RSU1: variants seen among roughly 807,000 people sequenced by gnomAD.
RSU1 encodes the protein Ras suppressor protein 1.
Under a neutral mutation model 31.1 loss-of-function variants are expected in RSU1, and 26 were observed. The observed-to-expected ratio is 0.84, with a 90% confidence interval of 0.61 to 1.16. The LOEUF is 1.16. RSU1 is among the 50% of genes most tolerant of loss of function. The probability of loss-of-function intolerance (pLI) is 0.00; values close to 1 mark genes in which losing one functional copy is unlikely to be tolerated. For synonymous variants in RSU1, 164 were observed against 136.3 expected (o/e 1.20, Z -1.41); for missense variants, 320 against 339.1 (o/e 0.94, Z 0.44).
At position 16,593,445 on chromosome 10, in the gene RSU1, A is replaced by G. The variant is rs756033171; in HGVS notation, c.783T>C (p.Asn261=). Residue 261 remains asparagine, a synonymous_variant, in exon 9 of 9, where the codon AAT becomes AAC. Coordinates refer to ENST00000345264, the MANE Select transcript of RSU1 (RefSeq NM_012425.4). ...TCCGGCTGATCTTTTTCGATTTGTC[A>G]TTATTCTTCTTCGGTGGTTCTGGGT... ...QANPEPPKKN[N]DKSKKISRKP... The G allele has an allele frequency of 3.1e-6, 5 of 1,613,936 alleles. No individual in the cohort carries two copies. Among genetic ancestry groups the G allele is most frequent in the Non-Finnish European group, 4.2e-6 (5 of 1,179,966 alleles).
At chr10:16,699,834 T>G (rs1835751801) in intron 7 of RSU1, among the ~76,000 whole-genome samples, 2 of 152,244 alleles carry the variant, frequency 1.3e-5, no homozygotes. Flanking sequence ...GATGCTGCTA[T>G]GAAGATCGTA....
intron 8 of RSU1, among the ~76,000 whole-genome samples, chr10:16,686,500 T>G (rs181929623): frequency 6.6e-6 from 1 of 152,212 alleles, no homozygotes; most frequent in Non-Finnish European, 1.5e-5. Flanking sequence ...TTGAAGAGAA[T>G]GTAACCTGAC....
chr10:16,643,791 A>T (rs1205451092), intron 8 of RSU1, among the ~76,000 whole-genome samples: 1 of 139,884 alleles, frequency 7.1e-6, no homozygotes, highest in Non-Finnish European at 1.5e-5. Flanking sequence ...GAATGCAAGT[A>T]TATTCAGCCC....
At chr10:16,796,047 CT>C (rs1281965097) in intron 2 of RSU1, among the ~76,000 whole-genome samples, 3 of 152,192 alleles carry the variant, frequency 2.0e-5, no homozygotes, top group African/African-American at 7.2e-5. Context: ...CCTAAACCTG[CT>C]GTCTGTACAA....
intron 8 of RSU1, among the ~76,000 whole-genome samples, chr10:16,649,282 G>A (rs1292119738): frequency 1.3e-5 from 2 of 152,146 alleles, no homozygotes; most frequent in Non-Finnish European, 2.9e-5. Flanking sequence ...AATTAAATCA[G>A]TCTCCTTCTC....
intron 7 of RSU1, among the ~76,000 whole-genome samples, chr10:16,720,724 G>A (rs1235808973): frequency 1.3e-5 from 2 of 152,214 alleles, no homozygotes; most frequent in Non-Finnish European, 2.9e-5. Context: ...CCCCCATCCA[G>A]CTATCACATG....
At chr10:16,688,005 G>A (rs1835470176) in intron 8 of RSU1, among the ~76,000 whole-genome samples, 2 of 152,244 alleles carry the variant, frequency 1.3e-5, no homozygotes, top group African/African-American at 4.8e-5. Flanking sequence ...TTACAGGCAT[G>A]AGCCACTGCA....
intron 8 of RSU1, among the ~76,000 whole-genome samples, chr10:16,650,956 A>G (rs1232220670): frequency 6.6e-6 from 1 of 152,150 alleles, no homozygotes; most frequent in East Asian, 1.9e-4. Context: ...CATGTTTTTA[A>G]TATTTATAAC....
chr10:16,715,935 C>T (rs879212283), intron 7 of RSU1, among the ~76,000 whole-genome samples: 1 of 152,132 alleles, frequency 6.6e-6, no homozygotes, highest in Non-Finnish European at 1.5e-5. Flanking sequence ...GTATTTTTAG[C>T]AGGTTGCATT....
At chr10:16,801,089 C>CT (rs375892886) in intron 2 of RSU1, among the ~76,000 whole-genome samples, 418 of 137,832 alleles carry the variant, frequency 3.0e-3, no homozygotes, top group Admixed American at 4.9e-3. Context: ...CAGTGTGGAT[C>CT]TTTTTTTTAA....
At chr10:16,659,989 T>C (rs1398499488) in intron 8 of RSU1, among the ~76,000 whole-genome samples, 1 of 152,194 alleles carries the variant, frequency 6.6e-6, no homozygotes, top group Non-Finnish European at 1.5e-5. Context: ...ACTCACAAAC[T>C]TTTGCATATT....
chr10:16,764,588 TCTTTCAAAGCAAAGAAAGACATAA>T (rs1837276353), intron 3 of RSU1, 78 bp from the exon 4 acceptor site: 1 of 1,451,836 alleles, frequency 6.9e-7, no homozygotes, highest in African/African-American at 1.4e-5. Flanking sequence ...ATTTTGTTTT[TCTTTCAAAGCAAAGAAAGACATAA>T]CTTCAAAAGG....
chr10:16,733,585 C>T (rs964223316), intron 7 of RSU1, among the ~76,000 whole-genome samples: 1 of 152,034 alleles, frequency 6.6e-6, no homozygotes, highest in South Asian at 2.1e-4. Context: ...TAGTGATCAG[C>T]GAAAACTCTC....
In RSU1 at chr10:16,649,685, A is replaced by G. The variant is rs532355392; in HGVS notation, c.731+45338T>C. Among the ~76,000 whole-genome samples, 3 of 152,176 alleles carry G rather than the reference A, an allele frequency of 2.0e-5. No individual in the cohort carries two copies. The East Asian group carries it at 5.8e-4, about 29-fold the overall frequency. Reference sequence around the variant, plus strand: ...ACGGCACAACAGAACTATTTACTGAATTTAGTATAAAAATTCTCCGTACAA... The same window carrying G: ...ACGGCACAACAGAACTATTTACTGAGTTTAGTATAAAAATTCTCCGTACAA... On this transcript the variant is annotated intron_variant, in intron 8 of 8. Coordinates refer to ENST00000345264, the MANE Select transcript of RSU1 (RefSeq NM_012425.4).
intron 8 of RSU1, among the ~76,000 whole-genome samples, chr10:16,694,461 T>C (rs1835632533): frequency 6.6e-6 from 1 of 152,208 alleles, no homozygotes; most frequent in Non-Finnish European, 1.5e-5. Flanking sequence ...GCCATGAATA[T>C]TCAACTAATT....
intron 7 of RSU1, among the ~76,000 whole-genome samples, chr10:16,738,862 C>T (rs1053055504): frequency 3.5e-5 from 5 of 144,860 alleles, no homozygotes; most frequent in Non-Finnish European, 6.1e-5. Flanking sequence ...CTCTCCTTGC[C>T]CCCCACCCCC....
At chr10:16,635,640 C>A (rs1266388800) in intron 8 of RSU1, among the ~76,000 whole-genome samples, 2 of 152,238 alleles carry the variant, frequency 1.3e-5, no homozygotes, top group African/African-American at 4.8e-5. Flanking sequence ...ATTGTCCCCA[C>A]TCTGTTAGCC....
At chr10:16,715,712 T>C (rs368220414) in intron 7 of RSU1, among the ~76,000 whole-genome samples, 1 of 152,230 alleles carries the variant, frequency 6.6e-6, no homozygotes, top group Non-Finnish European at 1.5e-5. Flanking sequence ...ACTGGAACTG[T>C]AGCAAGTTTG....
At position 16,670,214 on chromosome 10, in the gene RSU1, A is replaced by G. The variant is rs552115463; in HGVS notation, c.731+24809T>C. Among the ~76,000 whole-genome samples the G allele has an allele frequency of 6.6e-5, 10 of 152,314 alleles. No homozygotes were observed. The East Asian group carries it at 1.9e-3, about 29-fold the overall frequency. On this transcript the variant is annotated intron_variant, in intron 8 of 8. Transcript: ENST00000345264. ...TAGAACATTTTAAATTACAGAAGAA[A>G]GCGCAGGGGCTAGCAAACTTGGCTT...
Sources: allele counts gnomAD v4.1 joint callset (sites outside exome capture counted in the v4.1 genomes callset), GRCh38; gene constraint gnomAD v4.1.1; transcripts MANE v1.5; gene names NCBI Gene and HGNC (gene_info 2026-07-23, HGNC 2026-07-21).